Variants in CDIN1 observed in about 807,000 individuals in gnomAD.
CDIN1 encodes the protein CDAN1-interacting nuclease 1.
CDIN1 carries 33 observed loss-of-function variants against 45.3 expected under a neutral mutation model. That is an observed-to-expected ratio of 0.73 (90% CI 0.55 to 0.97). The LOEUF (loss-of-function observed/expected upper bound fraction) is 0.97, where lower values mean the gene tolerates loss of function less well. Among genes scored for constraint, CDIN1 ranks in the 50% least tolerant of loss-of-function variants. The pLI, the probability that CDIN1 is intolerant of heterozygous loss-of-function variation, is 0.00. For synonymous variants in CDIN1, 118 were observed against 124.4 expected, an observed-to-expected ratio of 0.95 and a Z score of 0.34; for missense variants, 303 against 339.4, an observed-to-expected ratio of 0.89 and a Z score of 0.84.
intron 5 of CDIN1, among the ~76,000 whole-genome samples, chr15:36,683,829 TC>T (rs1371222104): frequency 7.0e-5 from 7 of 100,510 alleles, no homozygotes; most frequent in African/African-American, 2.6e-4. Context: ...TATTTTATTC[TC>T]TTTGAAGCAA....
intron 5 of CDIN1, among the ~76,000 whole-genome samples, chr15:36,676,086 T>A (rs2041639155): frequency 6.6e-6 from 1 of 152,154 alleles, no homozygotes; most frequent in East Asian, 1.9e-4. Context: ...TATTTCTGAA[T>A]AGAAGCACTG....
chr15:36,693,100 C>G (rs2042309765), intron 7 of CDIN1, among the ~76,000 whole-genome samples: 2 of 152,142 alleles, frequency 1.3e-5, no homozygotes, highest in East Asian at 1.9e-4. Context: ...TTGTTGGAAA[C>G]TCCTGCTAGT....
chr15:36,585,016 T>A (rs913977317), intron 1 of CDIN1, among the ~76,000 whole-genome samples: 6 of 152,260 alleles, frequency 3.9e-5, no homozygotes, highest in African/African-American at 1.4e-4. Flanking sequence ...TGACATTTTT[T>A]AATCTTTCTT....
At chr15:36,632,502 G>A (rs945101914) in intron 1 of CDIN1, among the ~76,000 whole-genome samples, 5 of 152,188 alleles carry the variant, frequency 3.3e-5, no homozygotes, top group Admixed American at 6.5e-5. Flanking sequence ...TCTGAGGGCT[G>A]CCACCTGAGA....
chr15:36,695,481 A>G (rs990159750), intron 7 of CDIN1, among the ~76,000 whole-genome samples: 18 of 152,100 alleles, frequency 1.2e-4, no homozygotes, highest in African/African-American at 4.3e-4. Flanking sequence ...TCCTGATTTC[A>G]TTATTTACCA....
At chr15:36,610,647 T>C (rs2038605441) in intron 1 of CDIN1, among the ~76,000 whole-genome samples, 1 of 152,218 alleles carries the variant, frequency 6.6e-6, no homozygotes, top group South Asian at 2.1e-4. Flanking sequence ...AATCTAGTTC[T>C]CAGCTAGATT....
intron 1 of CDIN1, among the ~76,000 whole-genome samples, chr15:36,637,982 G>A (rs570432220): frequency 1.4e-4 from 21 of 152,242 alleles, no homozygotes; most frequent in East Asian, 3.9e-4. Flanking sequence ...GATTGGATGC[G>A]TTATCTTTTG....
chr15:36,727,196 A>G (rs923511443), intron 10 of CDIN1, among the ~76,000 whole-genome samples: 2 of 152,142 alleles, frequency 1.3e-5, no homozygotes, highest in Non-Finnish European at 2.9e-5. Context: ...TAATTAGTTA[A>G]TTTACATTTT....
intron 10 of CDIN1, among the ~76,000 whole-genome samples, chr15:36,715,006 C>T (rs2043173629): frequency 1.3e-5 from 2 of 152,164 alleles, no homozygotes; most frequent in African/African-American, 4.8e-5. Context: ...GCAGAGTTAC[C>T]TAAAGCTTGG....
intron 10 of CDIN1, among the ~76,000 whole-genome samples, chr15:36,737,584 T>A (rs1361208650): frequency 6.6e-6 from 1 of 152,168 alleles, no homozygotes; most frequent in African/African-American, 2.4e-5. Flanking sequence ...ACTAATAGTC[T>A]GGGTCAATTA....
chr15:36,783,328 A>G (rs1347240819), intron 10 of CDIN1, among the ~76,000 whole-genome samples: 2 of 147,264 alleles, frequency 1.4e-5, no homozygotes, highest in South Asian at 2.3e-4. Flanking sequence ...GTGTAAAAAC[A>G]TATGTTGGGA....
chr15:36,659,034 T>G (rs1052801571), intron 5 of CDIN1, among the ~76,000 whole-genome samples: 7 of 152,206 alleles, frequency 4.6e-5, no homozygotes, highest in Admixed American at 2.6e-4. Flanking sequence ...AAAGTGGATG[T>G]GTGTTATTTT....
At chr15:36,785,444 A>T (rs1463560999) in intron 10 of CDIN1, among the ~76,000 whole-genome samples, 1 of 140,776 alleles carries the variant, frequency 7.1e-6, no homozygotes, top group African/African-American at 3.2e-5. Flanking sequence ...TGGGATCATG[A>T]CTTACTAACC....
intron 1 of CDIN1, among the ~76,000 whole-genome samples, chr15:36,628,057 G>T (rs2039522191): frequency 6.8e-6 from 1 of 147,854 alleles, no homozygotes; most frequent in Non-Finnish European, 1.5e-5. Context: ...ATTTATTTTT[G>T]ACTTACATAC....
chr15:36,681,314 GAATTA>G (rs1285373601), intron 5 of CDIN1, among the ~76,000 whole-genome samples: 1 of 152,050 alleles, frequency 6.6e-6, no homozygotes, highest in East Asian at 1.9e-4. Flanking sequence ...AAAATTAGAA[GAATTA>G]GATTACAAGA....
chr15:36,661,736 G>A (rs180717261), intron 5 of CDIN1, among the ~76,000 whole-genome samples: 61 of 152,268 alleles, frequency 4.0e-4, no homozygotes, highest in African/African-American at 1.4e-3. Flanking sequence ...AATGTTAAAT[G>A]TGTGAGTGAG....
rs541304198 is a variant in CDIN1 at position 36,674,286 on chromosome 15, C to CG, written c.346+16386dup. Among the ~76,000 whole-genome samples, 894 of 152,158 alleles carry CG rather than the reference C, an allele frequency of 5.9e-3. 3 individuals are homozygous for CG. The highest frequency in any genetic ancestry group is 8.8e-3 in the Non-Finnish European group (600 of 67,986). ...TTTAAATGTGCTTGATTTATTAGCG[C>CG]GGGGGTCTCCATTTCCAGCAGGTCA... On this transcript the variant is annotated intron_variant, in intron 5 of 10. Coordinates refer to ENST00000566621, the MANE Select transcript of CDIN1 (RefSeq NM_001321759.2).
chr15:36,582,643 T>A (rs1254965704), intron 1 of CDIN1, among the ~76,000 whole-genome samples: 1 of 152,200 alleles, frequency 6.6e-6, no homozygotes, highest in Non-Finnish European at 1.5e-5. Context: ...CCTGTAGACC[T>A]GTGAGAGGGT....
At chr15:36,808,201 G>C in intron 10 of CDIN1, 123 bp from the exon 11 acceptor site, 1 of 1,359,040 alleles carries the variant, frequency 7.4e-7, no homozygotes, top group Non-Finnish European at 1.0e-6. Context: ...CACAATGGTA[G>C]CAACCAAAAC....
Sources: allele counts gnomAD v4.1 joint callset (sites outside exome capture counted in the v4.1 genomes callset), GRCh38; gene constraint gnomAD v4.1.1; transcripts MANE v1.5; gene names NCBI Gene and HGNC (gene_info 2026-07-23, HGNC 2026-07-21).